Variants in ZNHIT2 observed in about 807,000 individuals in gnomAD.
ZNHIT2 encodes zinc finger HIT domain-containing protein 2.
Under a neutral mutation model 18.0 loss-of-function variants are expected in ZNHIT2, and 16 were observed. That is an observed-to-expected ratio of 0.89 (90% CI 0.60 to 1.35). ZNHIT2 has a LOEUF of 1.35. Ranked by LOEUF, ZNHIT2 falls within the 40% of genes most tolerant of loss-of-function variation. ZNHIT2 has a pLI of 0.00. For missense variants in ZNHIT2, 631 were observed against 566.4 expected (o/e 1.11, Z -1.16); for synonymous variants, 336 against 269.8 (o/e 1.25, Z -2.41).
chr11:65,116,611 T>C lies in ZNHIT2; in HGVS notation c.1043A>G (p.Asn348Ser). ...KKCQFLLAWT[N>S]ENEAALTPLA... is the part of the protein sequence containing the mutation. ...GGGTGTGAGGGCCGCCTCATTTTCGTTGGTCCAGGCCAGGAGGAACTGGCA... is the reference window on the plus strand; with the variant it reads ...GGGTGTGAGGGCCGCCTCATTTTCGCTGGTCCAGGCCAGGAGGAACTGGCA... Residue 348 changes from asparagine to serine, a missense_variant, in exon 1 of 1, where the codon AAC becomes AGC. Coordinates refer to ENST00000310597, the MANE Select transcript of ZNHIT2 (RefSeq NM_014205.4). 3 of 1,612,210 alleles carry C rather than the reference T, an allele frequency of 1.9e-6. No homozygotes were observed. The highest frequency in any genetic ancestry group is 2.5e-6 in the Non-Finnish European group (3 of 1,178,618).
At position 65,117,097 on chromosome 11, in the gene ZNHIT2, C is replaced by G. The variant is rs1173799065; in HGVS notation, c.557G>C (p.Gly186Ala). Residue 186 changes from glycine to alanine, a missense_variant, in exon 1 of 1, where the codon GGG becomes GCG. By Grantham distance (60) the Gly-to-Ala change is moderately conservative. Coordinates refer to ENST00000310597, the MANE Select transcript of ZNHIT2 (RefSeq NM_014205.4). ...GGTGGGTACGACGGGCGTGCAGGCCCCCGGGACATCTCCAAGAACCCGCTC... is the reference window on the plus strand; with the variant it reads ...GGTGGGTACGACGGGCGTGCAGGCCGCCGGGACATCTCCAAGAACCCGCTC... ...AAERVLGDVP[G>A]ACTPVVPTRI... 1 of 1,591,360 alleles carries G rather than the reference C, an allele frequency of 6.3e-7. No homozygotes were observed.
At position 65,117,476 on chromosome 11, in the gene ZNHIT2, G is replaced by A. The variant is rs1948006442; in HGVS notation, c.178C>T (p.Pro60Ser). 6.4e-6 allele frequency: 10 copies of A among 1,559,924 alleles called. No homozygotes were observed. Among genetic ancestry groups the A allele is most frequent in the Non-Finnish European group, 7.7e-6 (9 of 1,162,458 alleles). Reference sequence around the variant, plus strand: ...AGGGCGCTTGCTAGGCGGCTGGGAGGAGCGCTGCAACCGCGGAGCTCTCCC... The same window carrying A: ...AGGGCGCTTGCTAGGCGGCTGGGAGAAGCGCTGCAACCGCGGAGCTCTCCC... ...VLGELRGCSA[P>S]PSRLASALRR... is the part of the protein sequence containing the mutation. The change falls in exon 1 of 1, where the codon CCT (proline) becomes TCT (serine). Residue 60 changes from proline (P) to serine (S), a missense_variant. Coordinates refer to ENST00000310597, the MANE Select transcript of ZNHIT2 (RefSeq NM_014205.4).
At position 65,116,893 on chromosome 11, in the gene ZNHIT2, T is replaced by C. The variant is rs1947995271; in HGVS notation, c.761A>G (p.Gln254Arg). 1 of 1,599,604 alleles carries C rather than the reference T, an allele frequency of 6.3e-7. No individual in the cohort carries two copies. Among genetic ancestry groups the C allele is most frequent in the South Asian group, 1.1e-5 (1 of 90,612 alleles). The part of the protein sequence containing the change: ...LLGVSGALGA[Q>R]QVFASAEEAL... Reference sequence around the variant, plus strand: ...TTCTTCCGCAGAGGCGAAGACTTGCTGGGCACCCAGGGCTCCGGAAACGCC... The same window carrying C: ...TTCTTCCGCAGAGGCGAAGACTTGCCGGGCACCCAGGGCTCCGGAAACGCC... Residue 254 changes from glutamine to arginine, a missense_variant, in exon 1 of 1, where the codon CAG becomes CGG. Physicochemically the swap from Gln to Arg is conservative, Grantham distance 43 (BLOSUM62 1). Transcript: ENST00000310597.
In ZNHIT2 at chr11:65,116,822, G is replaced by A. The variant is rs1482093499; in HGVS notation, c.832C>T (p.Pro278Ser). 7 of 1,608,466 alleles carry A rather than the reference G, an allele frequency of 4.4e-6. No individual in the cohort carries two copies. In the Admixed American group the frequency reaches 1.0e-4, roughly 23 times the overall value. ...GCCCCTCGTGTGCCCAGGGGCCCCG[G>A]CGGGTGCTCGCCTGCTTCCAGCACG... is the stretch of plus-strand genomic sequence containing the variant. ...AHVLEAGEHPPGPLGTRGAMH... is the reference protein window; with the variant it reads ...AHVLEAGEHPSGPLGTRGAMH... Residue 278 changes from proline to serine, a missense_variant, in exon 1 of 1, where the codon CCG becomes TCG. Physicochemically the swap from Pro to Ser is moderately conservative, Grantham distance 74. Coordinates refer to ENST00000310597, the MANE Select transcript of ZNHIT2 (RefSeq NM_014205.4).
chr11:65,117,680 G>A lies in ZNHIT2; in HGVS notation c.-27C>T, dbSNP rs184963500. Reference sequence around the variant, plus strand: ...GCAACTGGCACCGCGATCTACCTGCGAACGCACGCCGGTGGTAGTTCGAAA... The same window carrying A: ...GCAACTGGCACCGCGATCTACCTGCAAACGCACGCCGGTGGTAGTTCGAAA... On this transcript the variant is annotated 5_prime_UTR_variant, in exon 1 of 1. Coordinates refer to ENST00000310597, the MANE Select transcript of ZNHIT2 (RefSeq NM_014205.4). 6.2e-4 allele frequency: 843 copies of A among 1,361,320 alleles called. 13 individuals are homozygous for A. The East Asian group carries it at 0.025, about 40-fold the overall frequency. 84.3% of individuals were successfully genotyped at this position (1,361,320 alleles called of 1,614,324 possible).
In ZNHIT2 at chr11:65,117,360, G is replaced by C; in HGVS notation, c.294C>G (p.Leu98=). ...TTTCGCCCGGCGCCAGCCGCTCCCA[G>C]AGTCCCGATAGGCCGCCGGGCGCCG... ...SGPAPGGLSG[L]WERLAPGEKA... is the part of the protein sequence containing the mutation. Residue 98 remains leucine, a synonymous_variant, in exon 1 of 1, where the codon CTC becomes CTG. Coordinates refer to ENST00000310597, the MANE Select transcript of ZNHIT2 (RefSeq NM_014205.4). The C allele has an allele frequency of 6.6e-7, 1 of 1,510,858 alleles. No individual in the cohort carries two copies. Among genetic ancestry groups the C allele is most frequent in the East Asian group, 2.5e-5 (1 of 39,436 alleles). The allele number at this position is 1,510,858 out of a possible 1,614,324, so 93.6% of individuals were successfully genotyped here. A position where few individuals can be genotyped will look rare whatever the true frequency, so the allele number is the denominator to read the frequency against.
In ZNHIT2 at chr11:65,116,961, G is replaced by A; in HGVS notation, c.693C>T (p.Gly231=). 6 of 1,600,088 alleles carry A rather than the reference G, an allele frequency of 3.7e-6. No homozygotes were observed. Among genetic ancestry groups the A allele is most frequent in the South Asian group, 1.1e-5 (1 of 90,526 alleles). Residue 231 remains glycine, a synonymous_variant, in exon 1 of 1, where the codon GGC becomes GGT. Transcript: ENST00000310597. ...AYAHTLALYH[G]GDDALLSDFC... ...AGTCAGAGAGCAGCGCGTCGTCACC[G>A]CCGTGATACAGGGCGAGAGTATGCG...
In ZNHIT2 at chr11:65,117,629, A is replaced by T; in HGVS notation, c.25T>A (p.Phe9Ile). The T allele has an allele frequency of 6.7e-7, 1 of 1,486,674 alleles. No individual in the cohort carries two copies. Among genetic ancestry groups the T allele is most frequent in the Non-Finnish European group, 8.9e-7 (1 of 1,122,180 alleles). The allele number at this position is 1,486,674 out of a possible 1,614,324, so 92.1% of individuals were successfully genotyped here. The change falls in exon 1 of 1, where the codon TTC becomes ATC. Residue 9 changes from phenylalanine (F) to isoleucine (I), a missense_variant. Physicochemically the swap from Phe to Ile is conservative, Grantham distance 21 (BLOSUM62 0). Transcript: ENST00000310597. ...GGCTGGACCTCCCCCGCCGGGCAGA[A>T]GCCACAGGGCCCGGCCGGCTCCATG... MEPAGPCG[F>I]CPAGEVQPAR... is the part of the protein sequence containing the mutation.
In ZNHIT2 at chr11:65,116,720, C is replaced by G. The variant is rs1276441542; in HGVS notation, c.934G>C (p.Asp312His). The part of the protein sequence containing the change: ...QKGYTLAALG[D>H]LAQTLGRARK... ...GCACGGCCCAGGGTCTGTGCCAGGTCCCCCAGTGCTGCCAGCGTGTAGCCT... is the reference window on the plus strand; with the variant it reads ...GCACGGCCCAGGGTCTGTGCCAGGTGCCCCAGTGCTGCCAGCGTGTAGCCT... Residue 312 changes from aspartate (D) to histidine (H), a missense_variant, in exon 1 of 1, where the codon GAC becomes CAC. Transcript: ENST00000310597. 1 of 1,612,904 alleles carries G rather than the reference C, an allele frequency of 6.2e-7. No homozygotes were observed. Among genetic ancestry groups the G allele is most frequent in the African/African-American group, 1.3e-5 (1 of 75,060 alleles).
chr11:65,117,444 C>T lies in ZNHIT2; in HGVS notation c.210G>A (p.Arg70=), dbSNP rs766735027. Residue 70 remains arginine, a synonymous_variant, in exon 1 of 1, where the codon CGG becomes CGA. Coordinates refer to ENST00000310597, the MANE Select transcript of ZNHIT2 (RefSeq NM_014205.4). ...PPSRLASALR[R]LRQQRETEDE... is the part of the protein sequence containing the mutation. The stretch of plus-strand genomic sequence containing the variant: ...CCTCGGTCTCGCGTTGCTGACGCAG[C>T]CGGCGTAGGGCGCTTGCTAGGCGGC... 4.6e-5 allele frequency: 69 copies of T among 1,512,020 alleles called. No individual in the cohort carries two copies. The highest frequency in any genetic ancestry group is 6.1e-5 in the Non-Finnish European group (69 of 1,137,394). 93.7% of individuals were successfully genotyped at this position (1,512,020 alleles called of 1,614,324 possible). A position where few individuals can be genotyped will look rare whatever the true frequency, so the allele number is the denominator to read the frequency against.
In ZNHIT2 at chr11:65,116,895, G is replaced by A. The variant is rs1164574097; in HGVS notation, c.759C>T (p.Ala253=). The A allele has an allele frequency of 6.3e-7, 1 of 1,598,420 alleles. No homozygotes were observed. The highest frequency in any genetic ancestry group is 8.5e-7 in the Non-Finnish European group (1 of 1,176,908). The part of the protein sequence containing the change: ...TLLGVSGALG[A]QQVFASAEEA... Reference sequence around the variant, plus strand: ...CTTCCGCAGAGGCGAAGACTTGCTGGGCACCCAGGGCTCCGGAAACGCCGA... The same window carrying A: ...CTTCCGCAGAGGCGAAGACTTGCTGAGCACCCAGGGCTCCGGAAACGCCGA... The change falls in exon 1 of 1, where the codon GCC becomes GCT. Residue 253 remains alanine, a synonymous_variant. Coordinates refer to ENST00000310597, the MANE Select transcript of ZNHIT2 (RefSeq NM_014205.4).
Position 65,116,574 on chromosome 11 carries a change from G to C in ZNHIT2, c.1080C>G (p.Asp360Glu), listed in dbSNP as rs202078302. 1 of 1,597,216 alleles carries C rather than the reference G, an allele frequency of 6.3e-7. No individual in the cohort carries two copies. Among genetic ancestry groups the C allele is most frequent in the Non-Finnish European group, 8.6e-7 (1 of 1,168,526 alleles). Residue 360 changes from aspartate to glutamate, a missense_variant, in exon 1 of 1, where the codon GAC becomes GAG. Coordinates refer to ENST00000310597, the MANE Select transcript of ZNHIT2 (RefSeq NM_014205.4). ...NEAALTPLAL[D>E]CARAHQAHAV... ...CATGGGCTTGGTGAGCCCTGGCGCA[G>C]TCTAGGGCCAGGGGTGTGAGGGCCG...
chr11:65,117,681 A>T lies in ZNHIT2; in HGVS notation c.-28T>A, dbSNP rs1948010957. ...CAACTGGCACCGCGATCTACCTGCG[A>T]ACGCACGCCGGTGGTAGTTCGAAAC... On this transcript the variant is annotated 5_prime_UTR_variant, in exon 1 of 1. Coordinates refer to ENST00000310597, the MANE Select transcript of ZNHIT2 (RefSeq NM_014205.4). The T allele has an allele frequency of 7.3e-7, 1 of 1,360,792 alleles. No homozygotes were observed. Among genetic ancestry groups the T allele is most frequent in the Non-Finnish European group, 9.4e-7 (1 of 1,059,082 alleles). 84.3% of individuals were successfully genotyped at this position (1,360,792 alleles called of 1,614,324 possible). A position where few individuals can be genotyped will look rare whatever the true frequency, so the allele number is the denominator to read the frequency against.
In ZNHIT2 at chr11:65,117,545, T is replaced by A. The variant is rs1468165657; in HGVS notation, c.109A>T (p.Thr37Ser). Residue 37 changes from threonine to serine, a missense_variant, in exon 1 of 1, where the codon ACG becomes TCG. Transcript: ENST00000310597. ...AAGTTTTCTGCGCAGGTGCCATGCG[T>A]CCGGTAGCAGCGCAGCGAGCAGTAG... ...APYCSLRCYR[T>S]HGTCAENFYR... 6.3e-7 allele frequency: 1 copy of A among 1,590,882 alleles called. No homozygotes were observed. The highest frequency in any genetic ancestry group is 1.1e-5 in the South Asian group (1 of 88,990).
chr11:65,116,974 G>A lies in ZNHIT2; in HGVS notation c.680C>T (p.Ala227Val), dbSNP rs766016724. The change falls in exon 1 of 1, where the codon GCC becomes GTC. Residue 227 changes from alanine (A) to valine (V), a missense_variant. Ala to Val is a moderately conservative substitution (Grantham distance 64). Transcript: ENST00000310597. ...NVLFAYAHTLALYHGGDDALL... is the reference protein window; with the variant it reads ...NVLFAYAHTLVLYHGGDDALL... The stretch of plus-strand genomic sequence containing the variant: ...CGCGTCGTCACCGCCGTGATACAGG[G>A]CGAGAGTATGCGCGTAGGCGAACAG... 1.9e-6 allele frequency: 3 copies of A among 1,602,234 alleles called. No individual in the cohort carries two copies. The highest frequency in any genetic ancestry group is 2.2e-5 in the East Asian group (1 of 44,626).
At position 65,116,791 on chromosome 11, in the gene ZNHIT2, T is replaced by G; in HGVS notation, c.863A>C (p.His288Pro). Residue 288 changes from histidine (H) to proline (P), a missense_variant, in exon 1 of 1, where the codon CAC (histidine) becomes CCC (proline). Coordinates refer to ENST00000310597, the MANE Select transcript of ZNHIT2 (RefSeq NM_014205.4). Reference sequence around the variant, plus strand: ...GCCCAGCAGGATGCGGGCGACCTCGTGCATAGCCCCTCGTGTGCCCAGGGG... The same window carrying G: ...GCCCAGCAGGATGCGGGCGACCTCGGGCATAGCCCCTCGTGTGCCCAGGGG... ...PGPLGTRGAM[H>P]EVARILLGEG... 1 of 1,608,824 alleles carries G rather than the reference T, an allele frequency of 6.2e-7. No individual in the cohort carries two copies. Among genetic ancestry groups the G allele is most frequent in the Non-Finnish European group, 8.5e-7 (1 of 1,176,864 alleles).
Position 65,117,426 on chromosome 11 carries a change from C to G in ZNHIT2, c.228G>C (p.Glu76Asp). The G allele has an allele frequency of 6.7e-7, 1 of 1,502,096 alleles. No individual in the cohort carries two copies. Among genetic ancestry groups the G allele is most frequent in the Non-Finnish European group, 8.8e-7 (1 of 1,131,004 alleles). 93.0% of individuals were successfully genotyped at this position (1,502,096 alleles called of 1,614,324 possible). Residue 76 changes from glutamate to aspartate, a missense_variant, in exon 1 of 1, where the codon GAG (glutamate) becomes GAC (aspartate). Glu to Asp is a conservative substitution (Grantham distance 45, BLOSUM62 2). Coordinates refer to ENST00000310597, the MANE Select transcript of ZNHIT2 (RefSeq NM_014205.4). Reference sequence around the variant, plus strand: ...CTGCTTCCCCAGGCTCGTCCTCGGTCTCGCGTTGCTGACGCAGCCGGCGTA... The same window carrying G: ...CTGCTTCCCCAGGCTCGTCCTCGGTGTCGCGTTGCTGACGCAGCCGGCGTA... ...SALRRLRQQR[E>D]TEDEPGEAGL...
Position 65,116,936 on chromosome 11 carries a change from A to G in ZNHIT2, c.718T>C (p.Phe240Leu). ...GAAACGCCGAGCAGTGTGGCACAGAAGTCAGAGAGCAGCGCGTCGTCACCG... is the reference window on the plus strand; with the variant it reads ...GAAACGCCGAGCAGTGTGGCACAGAGGTCAGAGAGCAGCGCGTCGTCACCG... ...HGGDDALLSD[F>L]CATLLGVSGA... Residue 240 changes from phenylalanine (F) to leucine (L), a missense_variant, in exon 1 of 1, where the codon TTC (phenylalanine) becomes CTC (leucine). Physicochemically the swap from Phe to Leu is conservative, Grantham distance 22 (BLOSUM62 0). Coordinates refer to ENST00000310597, the MANE Select transcript of ZNHIT2 (RefSeq NM_014205.4). The G allele has an allele frequency of 6.3e-7, 1 of 1,597,718 alleles. No homozygotes were observed. The highest frequency in any genetic ancestry group is 8.5e-7 in the Non-Finnish European group (1 of 1,176,560).
At position 65,116,659 on chromosome 11, in the gene ZNHIT2, T is replaced by C. The variant is rs142632195; in HGVS notation, c.995A>G (p.His332Arg). 1,289 of 1,614,106 alleles carry C rather than the reference T, an allele frequency of 8.0e-4. 3 individuals carry two copies. Among genetic ancestry groups the C allele is most frequent in the South Asian group, 1.4e-3 (131 of 91,084 alleles). ...GCACTTTTTCCGGGCCCGGTAAAGA[T>C]GATCTCGCTCTTCTCTAGCCACGGC... ...KQAVAREERD[H>R]LYRARKKCQF... Residue 332 changes from histidine (H) to arginine (R), a missense_variant, in exon 1 of 1, where the codon CAT becomes CGT. Coordinates refer to ENST00000310597, the MANE Select transcript of ZNHIT2 (RefSeq NM_014205.4).
Sources: allele counts gnomAD v4.1 joint callset, GRCh38; gene constraint gnomAD v4.1.1; transcripts MANE v1.5; gene names NCBI Gene and HGNC (gene_info 2026-07-23, HGNC 2026-07-21).